PDE4A: variants seen among roughly 807,000 people sequenced by gnomAD.
PDE4A encodes 3',5'-cyclic-AMP phosphodiesterase 4A.
In PDE4A, 21 loss-of-function variants were observed where a neutral mutation model predicts 73.9. The ratio of observed to expected loss-of-function variants is 0.28; its 90% CI spans 0.20 to 0.41. The LOEUF is 0.41. Ranked by LOEUF, PDE4A falls within the 10% of genes least tolerant of loss-of-function variation. The pLI, the probability that PDE4A is intolerant of heterozygous loss-of-function variation, is 1.00. For missense variants in PDE4A, 958 were observed against 1,211.4 expected (o/e 0.79, Z 3.10); for synonymous variants, 463 against 505.4 (o/e 0.92, Z 1.13).
At chr19:10,418,845 G>C (rs565495486), upstream of PDE4A, 2 of 984,778 alleles carry the variant, frequency 2.0e-6, no homozygotes, top group Non-Finnish European at 2.4e-6. Context: ...ATATGATCTG[G>C]GGAGAACTCA....
chr19:10,417,782 T>C, upstream of PDE4A: 1 of 1,562,972 alleles, frequency 6.4e-7, no homozygotes, highest in Non-Finnish European at 8.6e-7. Context: ...CCTCGGACCC[T>C]GGGGTCCCTC....
At chr19:10,417,238 G>A (rs1235908603), upstream of PDE4A, 2 of 985,168 alleles carry the variant, frequency 2.0e-6, no homozygotes, top group African/African-American at 3.5e-5. Context: ...TGGCGAGGAG[G>A]TGGGAGGGGG....
intron 13 of PDE4A, 76 bp from the exon 14 acceptor site, chr19:10,463,717 G>A (rs1292442181): frequency 1.9e-6 from 3 of 1,582,238 alleles, no homozygotes; most frequent in East Asian, 4.5e-5. Context: ...TCTTAAAAAA[G>A]AAGGAATGCC....
At chr19:10,466,853 G>A in intron 14 of PDE4A, 34 bp from the exon 15 acceptor site, 1 of 1,595,884 alleles carries the variant, frequency 6.3e-7, no homozygotes, top group South Asian at 1.1e-5. Flanking sequence ...CCACCCCATA[G>A]GCCGCCCATT....
At position 10,467,123 on chromosome 19, in the gene PDE4A, A is replaced by C; in HGVS notation, c.2163A>C (p.Ile721=). Residue 721 remains isoleucine, a synonymous_variant, in exon 15 of 15, where the codon ATA becomes ATC. Transcript: ENST00000380702. ...LTLEEEEEEE[I]SMAQIPCTAQ... is the part of the protein sequence containing the mutation. ...TGGAGGAGGAAGAGGAGGAAGAAAT[A>C]TCAATGGCCCAGATACCGTGCACAG... The C allele has an allele frequency of 6.2e-7, 1 of 1,614,172 alleles. No homozygotes were observed. Among genetic ancestry groups the C allele is most frequent in the Non-Finnish European group, 8.5e-7 (1 of 1,180,040 alleles).
chr19:10,430,899 C>CCGGTGG, intron 1 of PDE4A: 2 of 1,491,970 alleles, frequency 1.3e-6, no homozygotes, highest in African/African-American at 1.5e-5. Flanking sequence ...GGTGGCCTTC[C>CCGGTGG]CGGTGGCGGT....
rs1273649498 is a variant in PDE4A at position 10,461,093 on chromosome 19, C to T, written c.1455C>T (p.Leu485=). ...ACCCTGGGGTCTCCAACCAGTTCCTCATCAACACCAGTGAGTGGCCCTCGC... is the reference window on the plus strand; with the variant it reads ...ACCCTGGGGTCTCCAACCAGTTCCTTATCAACACCAGTGAGTGGCCCTCGC... ...VDHPGVSNQF[L]INTNSELALM... The change falls in exon 11 of 15, where the codon CTC becomes CTT. Residue 485 remains leucine, a synonymous_variant. Transcript: ENST00000380702. 6.2e-7 allele frequency: 1 copy of T among 1,612,282 alleles called. No homozygotes were observed. The highest frequency in any genetic ancestry group is 8.5e-7 in the Non-Finnish European group (1 of 1,178,688).
At position 10,425,233 on chromosome 19, in the gene PDE4A, A is replaced by C. The variant is rs566657314; in HGVS notation, c.320+4149A>C. 1.3e-4 allele frequency among the ~76,000 whole-genome samples: 19 copies of C among 151,358 alleles called. No homozygotes were observed. In the South Asian group the frequency reaches 2.9e-3, roughly 23 times the overall value. On this transcript the variant is annotated intron_variant, in intron 1 of 14. Transcript: ENST00000380702. ...GCGAGACCCTGTCTCAAAAAAAAAA[A>C]CAAAAAACAAAAAACAGATCTGCTC...
chr19:10,467,850 GA>G lies in PDE4A; in HGVS notation c.*231del. 2.6e-6 allele frequency: 1 copy of G among 391,224 alleles called. No individual in the cohort carries two copies. Among genetic ancestry groups the G allele is most frequent in the Non-Finnish European group, 4.5e-6 (1 of 221,752 alleles). The allele number at this position is 391,224 out of a possible 1,614,324, so 24.2% of individuals were successfully genotyped here. A position where few individuals can be genotyped will look rare whatever the true frequency, so the allele number is the denominator to read the frequency against. On this transcript the variant is annotated 3_prime_UTR_variant, in exon 15 of 15. Coordinates refer to ENST00000380702, the MANE Select transcript of PDE4A (RefSeq NM_001111307.2). Reference sequence around the variant, plus strand: ...TGGGGAATGAGGGGCTGAGGTCCCGGAAGGGATTTTATTTTTTTGAATTTTA... The same window carrying G: ...TGGGGAATGAGGGGCTGAGGTCCCGGAGGGATTTTATTTTTTTGAATTTTA...
Position 10,446,298 on chromosome 19 carries a change from A to T in PDE4A, c.401A>T (p.His134Leu), listed in dbSNP as rs1416399947. The change falls in exon 2 of 15, where the codon CAC becomes CTC. Residue 134 changes from histidine to leucine, a missense_variant. By Grantham distance (99) the His-to-Leu change is moderately conservative (BLOSUM62 -3). Around this residue, in one of 3 missense-constraint regions of PDE4A, gnomAD observed 570 missense variants for 827.7 expected, o/e 0.69. Transcript: ENST00000380702. Reference sequence around the variant, plus strand: ...CAGGCGAGCCCAGGACTCGTGCTGCACGCCGGGGCGGCCACCAGCCAGCGC... The same window carrying T: ...CAGGCGAGCCCAGGACTCGTGCTGCTCGCCGGGGCGGCCACCAGCCAGCGC... Reference protein sequence around the residue: ...DSQASPGLVLHAGAATSQRRE... With the variant: ...DSQASPGLVLLAGAATSQRRE... 7.4e-6 allele frequency: 12 copies of T among 1,611,402 alleles called. No homozygotes were observed. In the South Asian group the frequency reaches 1.3e-4, roughly 18 times the overall value.
In PDE4A at chr19:10,420,924, C is replaced by T; in HGVS notation, c.160C>T (p.Arg54Cys). Residue 54 changes from arginine to cysteine, a missense_variant, in exon 1 of 15, where the codon CGC (arginine) becomes TGC (cysteine). Physicochemically the swap from Arg to Cys is radical, Grantham distance 180. Coordinates refer to ENST00000380702, the MANE Select transcript of PDE4A (RefSeq NM_001111307.2). This position sits in a 1 kb window ranked among gnomAD's most constrained non-coding sequence, Gnocchi z 6.0. ...GCGCGGCTACTCCGACAGCGCGGAG[C>T]GCGCCGAGCGGGAGCGGCAGCCGCA... ...QQRGYSDSAE[R>C]AERERQPHRP... is the part of the protein sequence containing the mutation. The T allele has an allele frequency of 1.3e-6, 2 of 1,579,452 alleles. No individual in the cohort carries two copies. Among genetic ancestry groups the T allele is most frequent in the Non-Finnish European group, 1.7e-6 (2 of 1,172,050 alleles).
rs139434644 is a variant in PDE4A, at chr19:10,440,046, G to C, written c.321-6172G>C. Among the ~76,000 whole-genome samples, 4 of 141,438 alleles carry C rather than the reference G, an allele frequency of 2.8e-5. 1 individual carries two copies. Among genetic ancestry groups the C allele is most frequent in the African/African-American group, 1.1e-4 (4 of 37,554 alleles). The allele number at this position is 141,438 out of a possible 152,430, so 92.8% of individuals were successfully genotyped here. On this transcript the variant is annotated intron_variant, in intron 1 of 14. Transcript: ENST00000380702. The stretch of plus-strand genomic sequence containing the variant: ...GTCACCCAGGCTGGAGTGCAGTGGC[G>C]TGATCTTGGTTCACTGCAGCCTCTG...
rs1384446037 is a variant in PDE4A at position 10,424,258 on chromosome 19, G to C, written c.320+3174G>C. 6.6e-6 allele frequency among the ~76,000 whole-genome samples: 1 copy of C among 152,240 alleles called. No individual in the cohort carries two copies. Among genetic ancestry groups the C allele is most frequent in the Non-Finnish European group, 1.5e-5 (1 of 68,038 alleles). On this transcript the variant is annotated intron_variant, in intron 1 of 14. Coordinates refer to ENST00000380702, the MANE Select transcript of PDE4A (RefSeq NM_001111307.2). The surrounding 1 kb of genome is among the most constrained non-coding windows in gnomAD (Gnocchi z 4.8). The stretch of plus-strand genomic sequence containing the variant: ...GTGGGGGTGGGGAGCTGTCTGAACT[G>C]GGGACGGGGCCAACATACGGACCCT...
At chr19:10,455,370 A>G (rs946721523) in intron 7 of PDE4A, among the ~76,000 whole-genome samples, 5 of 151,932 alleles carry the variant, frequency 3.3e-5, no homozygotes, top group African/African-American at 1.2e-4. Context: ...AGGCTCAGGC[A>G]GGAGAATCGC....
chr19:10,431,063 C>T (rs2042782430), intron 1 of PDE4A: 1 of 1,571,316 alleles, frequency 6.4e-7, no homozygotes, highest in Non-Finnish European at 8.6e-7. Flanking sequence ...AGGATTTGGG[C>T]CGCCAGGCTT....
In PDE4A at chr19:10,457,436, G is replaced by A. The variant is rs944812040; in HGVS notation, c.878-443G>A. ...CAGGCTGGTGCCAAGGTGGGCGGGGGGGGGGGGGGGCAGGGACATGGAGCC... is the reference window on the plus strand; with the variant it reads ...CAGGCTGGTGCCAAGGTGGGCGGGGAGGGGGGGGGGCAGGGACATGGAGCC... On this transcript the variant is annotated intron_variant, in intron 7 of 14. Transcript: ENST00000380702. Among the ~76,000 whole-genome samples the A allele has an allele frequency of 4.3e-5, 4 of 93,430 alleles. 1 individual carries two copies. The East Asian group carries it at 9.1e-4, about 21-fold the overall frequency. The allele number at this position is 93,430 out of a possible 152,430, so 61.3% of individuals were successfully genotyped here.
In PDE4A at chr19:10,467,002, G is replaced by C. The variant is rs2060908234; in HGVS notation, c.2042G>C (p.Ser681Thr). ...GAGGACAACCGGGACTGGTACTACAGCGCCATCCGGCAGAGCCCATCTCCG... is the reference window on the plus strand; with the variant it reads ...GAGGACAACCGGGACTGGTACTACACCGCCATCCGGCAGAGCCCATCTCCG... ...TLEDNRDWYY[S>T]AIRQSPSPPP... The change falls in exon 15 of 15, where the codon AGC becomes ACC. Residue 681 changes from serine to threonine, a missense_variant. By Grantham distance (58) the Ser-to-Thr change is moderately conservative. Transcript: ENST00000380702. 1 of 1,614,070 alleles carries C rather than the reference G, an allele frequency of 6.2e-7. No individual in the cohort carries two copies. Among genetic ancestry groups the C allele is most frequent in the Admixed American group, 1.7e-5 (1 of 59,994 alleles).
At chr19:10,436,701 G>T (rs2060591313) in intron 1 of PDE4A, among the ~76,000 whole-genome samples, 1 of 152,198 alleles carries the variant, frequency 6.6e-6, no homozygotes, top group African/African-American at 2.4e-5. Context: ...CTGTATGCCT[G>T]AAAGGATCTA....
At chr19:10,450,053 A>G (rs1392736902) in intron 4 of PDE4A, among the ~76,000 whole-genome samples, 1 of 152,086 alleles carries the variant, frequency 6.6e-6, no homozygotes, top group African/African-American at 2.4e-5. Context: ...CTGTGTTCCC[A>G]CCACTGCACT....
Sources: gnomAD v4.1 joint callset for allele counts (sites outside exome capture counted in the v4.1 genomes callset) on GRCh38, gnomAD v4.1.1 for gene constraint, gnomAD v4.1.1 regional missense constraint, Gnocchi (gnomAD v3.1) non-coding constraint, MANE v1.5 for transcripts, NCBI Gene and HGNC (gene_info 2026-07-23, HGNC 2026-07-21) for gene names.